Variants in LRRC75A observed in about 807,000 individuals in gnomAD.
The protein encoded by LRRC75A is leucine rich repeat containing 75A.
LRRC75A carries 12 observed loss-of-function variants against 26.0 expected under a neutral mutation model. That is an observed-to-expected ratio of 0.46 (90% CI 0.30 to 0.75). The LOEUF is 0.75. Among genes scored for constraint, LRRC75A ranks in the 30% least tolerant of loss-of-function variants. LRRC75A has a pLI of 0.08. For synonymous variants in LRRC75A, 223 were observed against 219.3 expected (o/e 1.02, Z -0.15); for missense variants, 410 against 486.6 (o/e 0.84, Z 1.48).
chr17:16,473,117 G>A (rs1601190313), intron 1 of LRRC75A, among the ~76,000 whole-genome samples: 1 of 151,374 alleles, frequency 6.6e-6, no homozygotes, highest in East Asian at 1.9e-4. Context: ...AATTCAAGTC[G>A]TTGTAAGTAG....
At position 16,488,985 on chromosome 17, in the gene LRRC75A, G is replaced by A. The variant is rs113677542; in HGVS notation, c.246+2760C>T. ...AGCAAGTCACAGCAGGGAGAAGGGT[G>A]GTATTGGACTGGAGCAGAGATTCTG... On this transcript the variant is annotated intron_variant, in intron 1 of 3. Coordinates refer to ENST00000470794, the MANE Select transcript of LRRC75A (RefSeq NM_001113567.3). Among the ~76,000 whole-genome samples, 626 of 152,252 alleles carry A rather than the reference G, an allele frequency of 4.1e-3. 3 individuals are homozygous for A. The highest frequency in any genetic ancestry group is 0.014 in the African/African-American group (585 of 41,532).
At chr17:16,474,910 G>C (rs547007197) in intron 1 of LRRC75A, among the ~76,000 whole-genome samples, 1 of 151,048 alleles carries the variant, frequency 6.6e-6, no homozygotes, top group African/African-American at 2.4e-5. Context: ...GGAGAATGGC[G>C]TGAACCCAGG....
chr17:16,471,328 A>G (rs984109427), intron 1 of LRRC75A, among the ~76,000 whole-genome samples: 27 of 152,184 alleles, frequency 1.8e-4, no homozygotes, highest in African/African-American at 5.8e-4. Context: ...CTGGCCTCCA[A>G]ACCATGAGAG....
At chr17:16,473,152 C>A (rs55968876) in intron 1 of LRRC75A, among the ~76,000 whole-genome samples, 1 of 146,078 alleles carries the variant, frequency 6.8e-6, no homozygotes, top group Non-Finnish European at 1.5e-5. Context: ...TGTGTGTGTG[C>A]GCGCGCGCCC....
chr17:16,466,486 C>T (rs910807969), intron 1 of LRRC75A, among the ~76,000 whole-genome samples: 3 of 152,192 alleles, frequency 2.0e-5, no homozygotes, highest in Non-Finnish European at 4.4e-5. Flanking sequence ...AAGCACAAGG[C>T]ATTGAGGACA....
At chr17:16,446,849 C>T (rs2093590023) in intron 3 of LRRC75A, 1 of 266,662 alleles carries the variant, frequency 3.8e-6, no homozygotes. Context: ...AGGTAGAGCC[C>T]CTCCCGTAGC....
intron 2 of LRRC75A, among the ~76,000 whole-genome samples, chr17:16,459,838 G>A (rs148985150): frequency 1.4e-3 from 207 of 152,248 alleles, no homozygotes; most frequent in East Asian, 7.1e-3. Context: ...AGAGAGCCTC[G>A]CTTGCCACAT....
At chr17:16,446,550 G>C (rs2093587531) in intron 3 of LRRC75A, among the ~76,000 whole-genome samples, 1 of 152,150 alleles carries the variant, frequency 6.6e-6, no homozygotes, top group Non-Finnish European at 1.5e-5. Flanking sequence ...GGGCGGGAGA[G>C]CAGGAGAGGT....
At chr17:16,446,975 GTTCT>G (rs1334683797) in intron 3 of LRRC75A, 4 of 363,218 alleles carry the variant, frequency 1.1e-5, no homozygotes, top group South Asian at 3.9e-5. Context: ...AGGCACCAGA[GTTCT>G]TTCTTCTCCA....
chr17:16,475,339 T>C (rs1413867202), intron 1 of LRRC75A, among the ~76,000 whole-genome samples: 1 of 151,994 alleles, frequency 6.6e-6, no homozygotes, highest in East Asian at 1.9e-4. Context: ...GAGGAAGGAA[T>C]TGATTTATTT....
intron 2 of LRRC75A, among the ~76,000 whole-genome samples, chr17:16,454,199 T>C (rs1363687851): frequency 6.6e-6 from 1 of 151,758 alleles, no homozygotes; most frequent in Non-Finnish European, 1.5e-5. Context: ...GAGACTAGCC[T>C]GGCCAACACG....
chr17:16,477,313 C>T (rs1416013722), intron 1 of LRRC75A, among the ~76,000 whole-genome samples: 2 of 152,240 alleles, frequency 1.3e-5, no homozygotes, highest in Non-Finnish European at 2.9e-5. Flanking sequence ...AGCGTCTTCA[C>T]CACTTTAAAT....
intron 1 of LRRC75A, among the ~76,000 whole-genome samples, chr17:16,479,459 A>C (rs115776018): frequency 0.013 from 1,945 of 152,346 alleles, 36 homozygotes; most frequent in African/African-American, 0.044. Flanking sequence ...CAGGGCATGT[A>C]CTGCACAAGG....
At chr17:16,448,954 C>G (rs760718898) in intron 2 of LRRC75A, among the ~76,000 whole-genome samples, 10 of 152,242 alleles carry the variant, frequency 6.6e-5, no homozygotes, top group Non-Finnish European at 1.2e-4. Flanking sequence ...ATGCTACAGA[C>G]TCCAACTACA....
At position 16,442,798 on chromosome 17, in the gene LRRC75A, C is replaced by A. The variant is rs924012189; in HGVS notation, c.*790G>T. On this transcript the variant is annotated 3_prime_UTR_variant, in exon 4 of 4. Coordinates refer to ENST00000470794, the MANE Select transcript of LRRC75A (RefSeq NM_001113567.3). ...GAAGCCAGGTTTGTCACTTACCCTG[C>A]ATGCTAAGGACATCAGAGCCCACAT... 5.3e-5 allele frequency: 8 copies of A among 152,218 alleles called. No homozygotes were observed. Among genetic ancestry groups the A allele is most frequent in the African/African-American group, 1.9e-4 (8 of 41,438 alleles). 9.4% of individuals were successfully genotyped at this position (152,218 alleles called of 1,614,324 possible). A position where few individuals can be genotyped will look rare whatever the true frequency, so the allele number is the denominator to read the frequency against.
chr17:16,450,028 G>A (rs1458596649), intron 2 of LRRC75A, among the ~76,000 whole-genome samples: 3 of 152,176 alleles, frequency 2.0e-5, no homozygotes, highest in Admixed American at 6.5e-5. Context: ...GTGATGTGGC[G>A]GCTGTGGGGT....
rs147321679 is a variant in LRRC75A at position 16,448,762 on chromosome 17, A to G, written c.376-802T>C. Among the ~76,000 whole-genome samples the G allele has an allele frequency of 4.7e-3, 714 of 152,288 alleles. 3 individuals are homozygous for G. Among genetic ancestry groups the G allele is most frequent in the African/African-American group, 0.016 (681 of 41,564 alleles). On this transcript the variant is annotated intron_variant, in intron 2 of 3. Coordinates refer to ENST00000470794, the MANE Select transcript of LRRC75A (RefSeq NM_001113567.3). ...GACACAGACATGCAGAGGAACAACC[A>G]CTTGAGGACACAGGAGGAGGAGGGA...
At chr17:16,476,600 T>C (rs1388417166) in intron 1 of LRRC75A, among the ~76,000 whole-genome samples, 2 of 151,774 alleles carry the variant, frequency 1.3e-5, no homozygotes, top group African/African-American at 4.8e-5. Context: ...AATTTCACTC[T>C]GTCACCCAGG....
chr17:16,465,965 G>C (rs1032139854), intron 1 of LRRC75A, among the ~76,000 whole-genome samples: 3 of 152,242 alleles, frequency 2.0e-5, no homozygotes, highest in Non-Finnish European at 2.9e-5. Context: ...CTGGGGTGGG[G>C]CTCCCCAAGG....
Sources: allele counts gnomAD v4.1 joint callset (sites outside exome capture counted in the v4.1 genomes callset), GRCh38; gene constraint gnomAD v4.1.1; transcripts MANE v1.5; gene names NCBI Gene and HGNC (gene_info 2026-07-23, HGNC 2026-07-21).